The following KHDC1 variants were observed in gnomAD, a reference collection of about 807,000 sequenced individuals.
KHDC1 encodes the protein KH homology domain-containing protein 1.
Under a neutral mutation model 24.7 loss-of-function variants are expected in KHDC1, and 21 were observed. The observed-to-expected ratio is 0.85, with a 90% CI of 0.60 to 1.23. The LOEUF (loss-of-function observed/expected upper bound fraction) is 1.23, where lower values mean the gene tolerates loss of function less well. KHDC1 is among the 50% of genes most tolerant of loss of function. The pLI is 0.00. For synonymous variants in KHDC1, 98 were observed against 111.7 expected (o/e 0.88, Z 0.77); for missense variants, 274 against 298.5 (o/e 0.92, Z 0.61).
intron 1 of KHDC1, among the ~76,000 whole-genome samples, chr6:73,309,257 A>C (rs1175910922): frequency 1.3e-5 from 2 of 152,210 alleles, no homozygotes; most frequent in African/African-American, 4.8e-5. Flanking sequence ...GGCCCCCTAG[A>C]GGAGCTGGCC....
At chr6:73,289,442 G>A (rs1393165618) in intron 2 of KHDC1, among the ~76,000 whole-genome samples, 1 of 150,784 alleles carries the variant, frequency 6.6e-6, no homozygotes, top group Non-Finnish European at 1.5e-5. Flanking sequence ...TGGAGGCCAG[G>A]AGTTCAAGAT....
At chr6:73,288,847 A>T (rs1767571993) in intron 2 of KHDC1, among the ~76,000 whole-genome samples, 1 of 149,810 alleles carries the variant, frequency 6.7e-6, no homozygotes, top group East Asian at 2.0e-4. Flanking sequence ...CAGGTGGTAG[A>T]GGTAGGGAGT....
At chr6:73,247,274 G>A (rs1194193946) in intron 2 of KHDC1, among the ~76,000 whole-genome samples, 2 of 152,080 alleles carry the variant, frequency 1.3e-5, no homozygotes, top group East Asian at 1.9e-4. Context: ...AACACGCCCA[G>A]CCCAACATGT....
chr6:73,309,505 C>A, intron 1 of KHDC1: 2 of 1,475,388 alleles, frequency 1.4e-6, no homozygotes, highest in Non-Finnish European at 1.8e-6. Flanking sequence ...TTTCCGGGCA[C>A]CTGGGTGAAG....
chr6:73,303,404 T>A (rs1030881248), intron 1 of KHDC1, among the ~76,000 whole-genome samples: 3 of 152,168 alleles, frequency 2.0e-5, no homozygotes, highest in East Asian at 1.9e-4. Flanking sequence ...AATTGACCCC[T>A]GATGCTAAAA....
At chr6:73,278,490 C>T (rs1767344461) in intron 2 of KHDC1, among the ~76,000 whole-genome samples, 1 of 152,188 alleles carries the variant, frequency 6.6e-6, no homozygotes. Context: ...TCCCAGAATG[C>T]TGGGATTACA....
chr6:73,302,902 C>T (rs574310606), intron 1 of KHDC1, among the ~76,000 whole-genome samples: 33 of 152,218 alleles, frequency 2.2e-4, no homozygotes, highest in Non-Finnish European at 4.3e-4. Flanking sequence ...CATAGTGAAA[C>T]CCGGTCTCTA....
chr6:73,299,479 G>C (rs574453560), intron 1 of KHDC1: 2 of 152,546 alleles, frequency 1.3e-5, no homozygotes, highest in East Asian at 1.9e-4. Context: ...GCCATCCAAC[G>C]TCCCCCCACC....
At chr6:73,303,082 T>G (rs934130412) in intron 1 of KHDC1, among the ~76,000 whole-genome samples, 2 of 151,932 alleles carry the variant, frequency 1.3e-5, no homozygotes, top group African/African-American at 4.8e-5. Flanking sequence ...GCCCCAAAAA[T>G]AAAAATAAAA....
chr6:73,296,876 G>A (rs933778239), intron 1 of KHDC1, among the ~76,000 whole-genome samples: 6 of 152,064 alleles, frequency 3.9e-5, no homozygotes, highest in African/African-American at 4.8e-5. Context: ...ACTATTCTAC[G>A]CAAACACAAA....
intron 2 of KHDC1, among the ~76,000 whole-genome samples, chr6:73,248,595 C>A (rs908916240): frequency 2.0e-5 from 3 of 152,146 alleles, no homozygotes; most frequent in Non-Finnish European, 4.4e-5. Context: ...GTACAGAATG[C>A]AATTAAACAG....
chr6:73,275,292 G>A (rs1452483846), intron 2 of KHDC1: 1 of 152,664 alleles, frequency 6.6e-6, no homozygotes. Context: ...GAAGGTTGTG[G>A]TCAGCCAAGA....
Position 73,253,990 on chromosome 6 carries a change from A to C in KHDC1, c.207-11460T>G, listed in dbSNP as rs542361071. 2.3e-4 allele frequency among the ~76,000 whole-genome samples: 35 copies of C among 152,280 alleles called. 1 individual carries two copies. Among genetic ancestry groups the C allele is most frequent in the African/African-American group, 7.2e-4 (30 of 41,562 alleles). ...ATGTAAAATAATAAAAATAATAAAAATTCACTTGAACTATACCTAACAACC... is the reference window on the plus strand; with the variant it reads ...ATGTAAAATAATAAAAATAATAAAACTTCACTTGAACTATACCTAACAACC... On this transcript the variant is annotated intron_variant, in intron 2 of 4. Coordinates refer to ENST00000370384, the Ensembl canonical transcript of KHDC1.
chr6:73,276,618 G>A (rs1389808702), intron 2 of KHDC1: 2 of 152,168 alleles, frequency 1.3e-5, no homozygotes, highest in African/African-American at 4.8e-5. Flanking sequence ...AGTGAGCAGT[G>A]GTTGCACCAC....
intron 2 of KHDC1, among the ~76,000 whole-genome samples, chr6:73,261,911 CAA>C (rs1305177330): frequency 3.4e-4 from 30 of 87,550 alleles, no homozygotes; most frequent in Admixed American, 3.8e-4. Flanking sequence ...GACTCCATCT[CAA>C]AAAAAAAAAA....
At chr6:73,284,373 C>T (rs762684432) in intron 2 of KHDC1, among the ~76,000 whole-genome samples, 1 of 152,142 alleles carries the variant, frequency 6.6e-6, no homozygotes, top group African/African-American at 2.4e-5. Context: ...CATACCCTAC[C>T]GGGGCCCATG....
At chr6:73,309,974 A>G in exon 1 of KHDC1, 1 of 447,264 alleles carries the variant, frequency 2.2e-6, no homozygotes, top group Non-Finnish European at 4.0e-6. Context: ...CTCAAGCTCC[A>G]GGCTCGGTCA....
At chr6:73,268,275 T>C in intron 2 of KHDC1, 1 of 153,494 alleles carries the variant, frequency 6.5e-6, no homozygotes, top group Non-Finnish European at 1.4e-5. Context: ...GCGGCGCATC[T>C]GGAGTTTTTC....
rs1325524046 is a variant in KHDC1, at chr6:73,242,537, C to T, written c.207-7G>A. On this transcript the variant is annotated splice_polypyrimidine_tract_variant and splice_region_variant and intron_variant, in intron 2 of 4. Coordinates refer to ENST00000370384, the Ensembl canonical transcript of KHDC1. ...GTCCATGCTCTGCTCCGACCTGATA[C>T]AGAATAGGGCCAAGTCCAAGCAACT... 1.2e-6 allele frequency: 2 copies of T among 1,613,940 alleles called. No homozygotes were observed. The highest frequency in any genetic ancestry group is 1.7e-5 in the Admixed American group (1 of 59,986).
Sources: allele counts gnomAD v4.1 joint callset (sites outside exome capture counted in the v4.1 genomes callset), GRCh38; gene constraint gnomAD v4.1.1; transcripts MANE v1.5; gene names NCBI Gene and HGNC (gene_info 2026-07-23, HGNC 2026-07-21).